The following NME7 variants were observed in gnomAD, a reference collection of about 807,000 sequenced individuals.
NME7 encodes nucleoside diphosphate kinase 7.
Under a neutral mutation model 49.1 loss-of-function variants are expected in NME7, and 41 were observed. That is an observed-to-expected ratio of 0.83 (90% CI 0.65 to 1.08). NME7 has a LOEUF of 1.08. Among genes scored for constraint, NME7 ranks in the 50% least tolerant of loss-of-function variants. NME7 has a pLI of 0.00. For synonymous variants in NME7, 139 were observed against 150.6 expected (o/e 0.92, Z 0.56); for missense variants, 423 against 463.4 (o/e 0.91, Z 0.80).
At chr1:169,240,531 A>T (rs973862176) in intron 7 of NME7, among the ~76,000 whole-genome samples, 1 of 152,028 alleles carries the variant, frequency 6.6e-6, no homozygotes, top group Non-Finnish European at 1.5e-5. Flanking sequence ...GTTGCAATGT[A>T]TAATCTAAAA....
At chr1:169,246,299 G>A (rs911118528) in intron 7 of NME7, among the ~76,000 whole-genome samples, 8 of 152,004 alleles carry the variant, frequency 5.3e-5, no homozygotes, top group African/African-American at 1.9e-4. Context: ...GAGCGAGACC[G>A]TGTCTCAAAA....
chr1:169,182,189 A>AG lies in NME7; in HGVS notation c.991-12636_991-12635insC, dbSNP rs1553243360. 4.2e-4 allele frequency among the ~76,000 whole-genome samples: 62 copies of AG among 148,228 alleles called. 1 individual carries two copies. The highest frequency in any genetic ancestry group is 6.2e-4 in the East Asian group (3 of 4,858). Reference sequence around the variant, plus strand: ...CTAGCTAATTTAAAAAAAAAAAAAAACAACTCTGTAGAGATAAAGTCTTGC... The same window carrying AG: ...CTAGCTAATTTAAAAAAAAAAAAAAAGCAACTCTGTAGAGATAAAGTCTTGC... On this transcript the variant is annotated intron_variant, in intron 10 of 11. Coordinates refer to ENST00000367811, the MANE Select transcript of NME7 (RefSeq NM_013330.5).
chr1:169,239,715 T>C (rs1558002467), intron 7 of NME7, among the ~76,000 whole-genome samples: 1 of 152,014 alleles, frequency 6.6e-6, no homozygotes, highest in Non-Finnish European at 1.5e-5. Context: ...ACTGAAATGA[T>C]GCCAAGAGGC....
intron 6 of NME7, among the ~76,000 whole-genome samples, chr1:169,291,327 A>T (rs949252346): frequency 3.3e-5 from 5 of 152,144 alleles, no homozygotes; most frequent in African/African-American, 7.2e-5. Context: ...ATACTATGCA[A>T]CCATAAAAAT....
chr1:169,161,262 G>C (rs533196696), intron 11 of NME7, among the ~76,000 whole-genome samples: 1 of 152,308 alleles, frequency 6.6e-6, no homozygotes, highest in African/African-American at 2.4e-5. Flanking sequence ...AGATCTCTAA[G>C]AGAAAGCTGT....
chr1:169,226,122 C>T (rs928303270), intron 10 of NME7, among the ~76,000 whole-genome samples: 4 of 152,088 alleles, frequency 2.6e-5, no homozygotes, highest in Admixed American at 2.0e-4. Context: ...TATATTTGCA[C>T]ATCTCATCAC....
chr1:169,247,548 T>C lies in NME7; in HGVS notation c.755-9861A>G, dbSNP rs894410791. Among the ~76,000 whole-genome samples, 4 of 152,276 alleles carry C rather than the reference T, an allele frequency of 2.6e-5. No individual in the cohort carries two copies. The East Asian group carries it at 7.7e-4, about 29-fold the overall frequency. On this transcript the variant is annotated intron_variant, in intron 7 of 11. Transcript: ENST00000367811. ...GTTTTGGTCACACGGATGAATTATATAGTGGTGAAGTCTGAGATTTTAGTG... is the reference window on the plus strand; with the variant it reads ...GTTTTGGTCACACGGATGAATTATACAGTGGTGAAGTCTGAGATTTTAGTG...
intron 11 of NME7, among the ~76,000 whole-genome samples, chr1:169,147,052 T>C (rs1337833320): frequency 6.6e-6 from 1 of 152,226 alleles, no homozygotes; most frequent in African/African-American, 2.4e-5. Flanking sequence ...CAGGGGCACG[T>C]GACCTTCTCT....
chr1:169,253,699 T>C (rs1390433034), intron 7 of NME7, among the ~76,000 whole-genome samples: 1 of 152,206 alleles, frequency 6.6e-6, no homozygotes, highest in African/African-American at 2.4e-5. Context: ...GGCTGTGGGT[T>C]TGTCATAGAT....
chr1:169,251,187 A>G (rs1367022456), intron 7 of NME7, among the ~76,000 whole-genome samples: 2 of 151,990 alleles, frequency 1.3e-5, no homozygotes, highest in African/African-American at 2.4e-5. Context: ...TAGGAATATA[A>G]TATCTTCTTG....
intron 1 of NME7, among the ~76,000 whole-genome samples, chr1:169,366,947 A>G (rs372258964): frequency 5.9e-5 from 9 of 152,242 alleles, no homozygotes; most frequent in African/African-American, 2.2e-4. Flanking sequence ...TCCGTTATCC[A>G]TAAGTGCTTA....
At chr1:169,264,416 G>A (rs546824338) in intron 7 of NME7, among the ~76,000 whole-genome samples, 2 of 133,226 alleles carry the variant, frequency 1.5e-5, no homozygotes, top group South Asian at 2.3e-4. Context: ...CCAAACAAAC[G>A]GAAAACAGAA....
Position 169,258,106 on chromosome 1 carries a change from G to A in NME7, c.755-20419C>T, listed in dbSNP as rs1258987011. The stretch of plus-strand genomic sequence containing the variant: ...TAATTCCAACACTTTGAGGGGCCAA[G>A]TCAGGAGGACTCCTTGAGTCCAGGA... On this transcript the variant is annotated intron_variant, in intron 7 of 11. Transcript: ENST00000367811. 3.0e-5 allele frequency among the ~76,000 whole-genome samples: 4 copies of A among 131,662 alleles called. 1 individual carries two copies. The highest frequency in any genetic ancestry group is 1.0e-4 in the African/African-American group (4 of 38,960). The allele number at this position is 131,662 out of a possible 152,430, so 86.4% of individuals were successfully genotyped here.
intron 1 of NME7, among the ~76,000 whole-genome samples, chr1:169,348,799 G>T (rs895478260): frequency 2.0e-5 from 3 of 150,418 alleles, no homozygotes; most frequent in Non-Finnish European, 3.0e-5. Context: ...ATGAATTCCT[G>T]AAAAAAATGT....
At chr1:169,145,208 T>A (rs1449650318) in intron 11 of NME7, among the ~76,000 whole-genome samples, 1 of 152,190 alleles carries the variant, frequency 6.6e-6, no homozygotes, top group East Asian at 1.9e-4. Context: ...ATTTTTGCTG[T>A]TTTCAACTTG....
intron 10 of NME7, among the ~76,000 whole-genome samples, chr1:169,217,985 T>G (rs761494390): frequency 8.5e-4 from 130 of 152,136 alleles, no homozygotes; most frequent in Non-Finnish European, 1.2e-3. Flanking sequence ...AGCTTTAATA[T>G]GTACTAAATT....
chr1:169,255,953 T>C (rs1324047252), intron 7 of NME7, among the ~76,000 whole-genome samples: 3 of 133,414 alleles, frequency 2.2e-5, no homozygotes, highest in South Asian at 2.3e-4. Context: ...TGATGGGCTT[T>C]CCTTTGAGGG....
intron 10 of NME7, among the ~76,000 whole-genome samples, chr1:169,229,846 C>A (rs529213932): frequency 6.6e-6 from 1 of 152,056 alleles, no homozygotes; most frequent in Non-Finnish European, 1.5e-5. Context: ...CCTGTAGTCC[C>A]AGCTACTCAG....
chr1:169,175,150 G>C (rs1659717450), intron 10 of NME7, among the ~76,000 whole-genome samples: 1 of 151,342 alleles, frequency 6.6e-6, no homozygotes, highest in Non-Finnish European at 1.5e-5. Flanking sequence ...AAACCTTTCT[G>C]TTAAAAAGGA....
Sources: gnomAD v4.1 joint callset for allele counts (sites outside exome capture counted in the v4.1 genomes callset) on GRCh38, gnomAD v4.1.1 for gene constraint, MANE v1.5 for transcripts, NCBI Gene and HGNC (gene_info 2026-07-23, HGNC 2026-07-21) for gene names.